Variants in USP13 observed in about 807,000 individuals in gnomAD.
USP13 encodes the protein ubiquitin carboxyl-terminal hydrolase 13.
USP13 carries 68 observed loss-of-function variants against 107.8 expected under a neutral mutation model. The ratio of observed to expected loss-of-function variants is 0.63; its 90% confidence interval spans 0.52 to 0.77. USP13 has a LOEUF of 0.77. USP13 is among the 30% of genes least tolerant of loss of function. The probability of loss-of-function intolerance (pLI) is 0.00; values close to 1 mark genes in which losing one functional copy is unlikely to be tolerated. For missense variants in USP13, 945 were observed against 1,093.3 expected, an observed-to-expected ratio of 0.86 and a Z score of 1.91; for synonymous variants, 377 against 389.5, an observed-to-expected ratio of 0.97 and a Z score of 0.38.
At chr3:179,746,810 C>T (rs1212699181) in intron 13 of USP13, among the ~76,000 whole-genome samples, 8 of 152,058 alleles carry the variant, frequency 5.3e-5, no homozygotes, top group Admixed American at 5.2e-4. Context: ...GGTGATCTGC[C>T]CTCCTCAGCC....
chr3:179,762,816 CTG>C (rs1242836072), intron 17 of USP13, among the ~76,000 whole-genome samples: 2 of 152,206 alleles, frequency 1.3e-5, no homozygotes, highest in African/African-American at 4.8e-5. Context: ...AACGACCAAA[CTG>C]TTTTACACAG....
intron 13 of USP13, among the ~76,000 whole-genome samples, chr3:179,749,170 T>G (rs1714511152): frequency 6.6e-6 from 1 of 152,238 alleles, no homozygotes; most frequent in South Asian, 2.1e-4. Flanking sequence ...AGTTTATATT[T>G]CTTTCTCAAT....
intron 1 of USP13, among the ~76,000 whole-genome samples, chr3:179,662,087 A>C (rs1720472027): frequency 6.6e-6 from 1 of 152,182 alleles, no homozygotes; most frequent in South Asian, 2.1e-4. Context: ...TCCTGTATCA[A>C]ATCTCTTCCT....
chr3:179,779,261 C>T (rs1271078659), intron 19 of USP13, among the ~76,000 whole-genome samples: 5 of 151,508 alleles, frequency 3.3e-5, no homozygotes, highest in African/African-American at 7.3e-5. Flanking sequence ...GGGCCTGGCG[C>T]GGTGGCTCAT....
chr3:179,735,295 C>A (rs920503532), intron 10 of USP13, among the ~76,000 whole-genome samples: 1 of 152,138 alleles, frequency 6.6e-6, no homozygotes, highest in Non-Finnish European at 1.5e-5. Context: ...CCATAGGGGA[C>A]ACTCAGGTGA....
chr3:179,688,503 T>C (rs549801563), intron 2 of USP13, among the ~76,000 whole-genome samples: 1 of 152,348 alleles, frequency 6.6e-6, no homozygotes, highest in African/African-American at 2.4e-5. Flanking sequence ...ATCTGACACA[T>C]GGGCACAGTC....
chr3:179,676,025 G>A (rs1309902914), intron 1 of USP13, among the ~76,000 whole-genome samples: 1 of 152,102 alleles, frequency 6.6e-6, no homozygotes, highest in African/African-American at 2.4e-5. Context: ...TTGAATCATG[G>A]GGTTGGTAAC....
At chr3:179,729,791 G>T (rs772336545) in intron 8 of USP13, among the ~76,000 whole-genome samples, 1 of 152,188 alleles carries the variant, frequency 6.6e-6, no homozygotes, top group Non-Finnish European at 1.5e-5. Flanking sequence ...CTGTCATCGA[G>T]GTGGTGATTA....
chr3:179,660,766 C>G (rs1252020547), intron 1 of USP13, among the ~76,000 whole-genome samples: 1 of 152,190 alleles, frequency 6.6e-6, no homozygotes, highest in Admixed American at 6.5e-5. Context: ...TAAACTGATA[C>G]AAGGTAGTAA....
At chr3:179,683,751 A>G (rs932820605) in intron 2 of USP13, among the ~76,000 whole-genome samples, 1 of 152,174 alleles carries the variant, frequency 6.6e-6, no homozygotes, top group Non-Finnish European at 1.5e-5. Context: ...CAGCCAAACT[A>G]TATCACATTT....
chr3:179,684,968 G>A (rs1486218702), intron 2 of USP13, among the ~76,000 whole-genome samples: 1 of 152,092 alleles, frequency 6.6e-6, no homozygotes, highest in African/African-American at 2.4e-5. Context: ...ACATCCTTGT[G>A]TAAGCTCTAT....
At chr3:179,660,650 T>C (rs1433762242) in intron 1 of USP13, among the ~76,000 whole-genome samples, 2 of 152,266 alleles carry the variant, frequency 1.3e-5, no homozygotes. Flanking sequence ...CATTGTACTA[T>C]GCACGTTGCC....
At chr3:179,731,067 T>G (rs896555553) in intron 10 of USP13, among the ~76,000 whole-genome samples, 1 of 152,238 alleles carries the variant, frequency 6.6e-6, no homozygotes, top group Non-Finnish European at 1.5e-5. Flanking sequence ...TTCCTTCTCC[T>G]AAGCCTCAAC....
chr3:179,722,666 AT>A (rs1713367346), intron 8 of USP13, among the ~76,000 whole-genome samples: 1 of 152,148 alleles, frequency 6.6e-6, no homozygotes, highest in Non-Finnish European at 1.5e-5. Context: ...TCTTTTAGTT[AT>A]TTTAAAATAT....
At chr3:179,782,255 A>G (rs768176843) in intron 20 of USP13, among the ~76,000 whole-genome samples, 3 of 152,234 alleles carry the variant, frequency 2.0e-5, no homozygotes, top group African/African-American at 4.8e-5. Flanking sequence ...CAAATATTCT[A>G]TGTCCCAAAT....
At chr3:179,677,083 C>T (rs1711506103) in intron 1 of USP13, among the ~76,000 whole-genome samples, 1 of 151,860 alleles carries the variant, frequency 6.6e-6, no homozygotes, top group African/African-American at 2.4e-5. Context: ...GTCTCGAACT[C>T]CTGACCTCAA....
intron 11 of USP13, 30 bp downstream of exon 11, chr3:179,740,402 CG>C: frequency 6.2e-7 from 1 of 1,613,266 alleles, no homozygotes; most frequent in Non-Finnish European, 8.5e-7. Flanking sequence ...GGATGCTCAG[CG>C]GGGTTGTAAG....
chr3:179,691,952 A>G lies in USP13; in HGVS notation c.355+1651A>G, dbSNP rs57278207. ...CCTAAATGCCTCAGATTATTGTTTG[A>G]AAGGATTTGCAAAATTGTTTCCATA... is the stretch of plus-strand genomic sequence containing the variant. On this transcript the variant is annotated intron_variant, in intron 3 of 20. Transcript: ENST00000263966. Among the ~76,000 whole-genome samples the G allele has an allele frequency of 3.2e-3, 494 of 152,362 alleles. 1 individual carries two copies. Among genetic ancestry groups the G allele is most frequent in the African/African-American group, 0.011 (458 of 41,588 alleles).
chr3:179,766,037 T>A (rs1715164946), intron 19 of USP13, among the ~76,000 whole-genome samples, 189 bp downstream of exon 19: 1 of 151,886 alleles, frequency 6.6e-6, no homozygotes, highest in East Asian at 1.9e-4. Context: ...TGGTGTGCTG[T>A]GGCGCGATCT....
Sources: gnomAD v4.1 joint callset for allele counts (sites outside exome capture counted in the v4.1 genomes callset) on GRCh38, gnomAD v4.1.1 for gene constraint, MANE v1.5 for transcripts, NCBI Gene and HGNC (gene_info 2026-07-23, HGNC 2026-07-21) for gene names.